ABCC9: variants seen among roughly 807,000 people sequenced by gnomAD.
ABCC9 encodes the protein ATP binding cassette subfamily C member 9.
A neutral mutation model predicts 188.3 loss-of-function variants in ABCC9; 95 were observed. The observed-to-expected ratio is 0.50, with a 90% CI of 0.43 to 0.60. The LOEUF (loss-of-function observed/expected upper bound fraction) is 0.60. Ranked by LOEUF, ABCC9 falls within the 20% of genes least tolerant of loss-of-function variation. The pLI is 0.00. For synonymous variants in ABCC9, 659 were observed against 652.7 expected (o/e 1.01, Z -0.15); for missense variants, 1,102 against 1,876.3 (o/e 0.59, Z 7.62).
At chr12:21,927,985 C>T (rs754086619) in intron 4 of ABCC9, among the ~76,000 whole-genome samples, 3 of 151,962 alleles carry the variant, frequency 2.0e-5, no homozygotes, top group Non-Finnish European at 4.4e-5. Context: ...TTAGCAAGGC[C>T]GAGGTGGGCG....
chr12:21,841,722 G>C (rs1436497088), intron 29 of ABCC9, among the ~76,000 whole-genome samples: 1 of 151,974 alleles, frequency 6.6e-6, no homozygotes, highest in Admixed American at 6.6e-5. Context: ...TGAAAAATTT[G>C]TCAGTCTTAG....
chr12:21,829,082 T>C (rs748878308), intron 30 of ABCC9, 22 bp from the exon 31 acceptor site: 1 of 1,558,336 alleles, frequency 6.4e-7, no homozygotes, highest in Non-Finnish European at 8.8e-7. Flanking sequence ...AAAAACACGA[T>C]GTTAACCACA....
At position 21,842,434 on chromosome 12, in the gene ABCC9, G is replaced by A. The variant is rs914071466; in HGVS notation, c.3353C>T (p.Thr1118Ile). 1.2e-5 allele frequency: 19 copies of A among 1,614,180 alleles called. No homozygotes were observed. The highest frequency in any genetic ancestry group is 1.4e-5 in the Non-Finnish European group (17 of 1,180,002). The part of the protein sequence containing the change: ...PPTLESLTRS[T>I]LLCLSAIGMI... ...CCCAATGGCAGACAGGCAGAGCAGT[G>A]TTGAGCGAGTTAGAGATTCCAAGGT... The change falls in exon 29 of 40, where the codon ACA (threonine) becomes ATA (isoleucine). Residue 1118 changes from threonine to isoleucine, a missense_variant. By Grantham distance (89) the Thr-to-Ile change is moderately conservative. Transcript: ENST00000261200.
intron 12 of ABCC9, among the ~76,000 whole-genome samples, chr12:21,903,651 G>A (rs1171274132): frequency 6.6e-6 from 1 of 152,124 alleles, no homozygotes; most frequent in African/African-American, 2.4e-5. Context: ...CAAACAGAGA[G>A]CCAAATCATG....
chr12:21,822,770 G>A (rs1471150113), intron 31 of ABCC9, among the ~76,000 whole-genome samples: 2 of 138,744 alleles, frequency 1.4e-5, no homozygotes, highest in African/African-American at 2.8e-5. Context: ...TAGCCTGGGC[G>A]ACAGAGTGAG....
At chr12:21,912,553 A>G (rs1565477298) in intron 8 of ABCC9, among the ~76,000 whole-genome samples, 1 of 152,066 alleles carries the variant, frequency 6.6e-6, no homozygotes, top group Non-Finnish European at 1.5e-5. Flanking sequence ...TTCTTTAAAG[A>G]GTTCCTATAA....
chr12:21,889,774 A>T (rs551144375), intron 14 of ABCC9, among the ~76,000 whole-genome samples: 1 of 152,168 alleles, frequency 6.6e-6, no homozygotes, highest in African/African-American at 2.4e-5. Flanking sequence ...CCTGACCTTG[A>T]TTGAGAATGG....
rs760421787 is a variant in ABCC9 at position 21,910,152 on chromosome 12, C to A, written c.1320+5G>T. 3 of 1,607,764 alleles carry A rather than the reference C, an allele frequency of 1.9e-6. No homozygotes were observed. Among genetic ancestry groups the A allele is most frequent in the Non-Finnish European group, 1.7e-6 (2 of 1,175,126 alleles). On this transcript the variant is annotated splice_donor_5th_base_variant and intron_variant, in intron 10 of 39. Transcript: ENST00000261200. ...CAAAAATCTTACTTATATTTATCTA[C>A]CTACCTGAACAGGCATAGCCCATAG...
intron 9 of ABCC9, 111 bp downstream of exon 9, chr12:21,910,715 T>C (rs1948284296): frequency 1.1e-6 from 1 of 938,816 alleles, no homozygotes; most frequent in African/African-American, 1.6e-5. Flanking sequence ...GTTGTTGTAA[T>C]ACCAAAATGA....
rs1250348030 is a variant in ABCC9 at position 21,798,298 on chromosome 12, A to G, written c.*2746T>C. On this transcript the variant is annotated 3_prime_UTR_variant, in exon 40 of 40. Coordinates refer to ENST00000261200, the MANE Select transcript of ABCC9 (RefSeq NM_020297.4). ...CCACCAACAGTGTAAAAGTGTTCCT[A>G]TTTCTCCACATCCTCTCCAGCACCT... 4 of 151,748 alleles carry G rather than the reference A, an allele frequency of 2.6e-5. No individual in the cohort carries two copies. Among genetic ancestry groups the G allele is most frequent in the Non-Finnish European group, 5.9e-5 (4 of 67,926 alleles). The allele number at this position is 151,748 out of a possible 1,614,324, so 9.4% of individuals were successfully genotyped here.
intron 12 of ABCC9, among the ~76,000 whole-genome samples, chr12:21,899,577 C>T (rs1018971311): frequency 6.6e-6 from 1 of 152,180 alleles, no homozygotes; most frequent in Non-Finnish European, 1.5e-5. Context: ...GAGGCTGTGA[C>T]AGACGGCACC....
At chr12:21,925,306 T>G in intron 5 of ABCC9, 1 of 508,800 alleles carries the variant, frequency 2.0e-6, no homozygotes, top group South Asian at 3.4e-5. Flanking sequence ...TAGGAATATT[T>G]TAGAGAGCCT....
intron 31 of ABCC9, among the ~76,000 whole-genome samples, chr12:21,820,725 C>T (rs1308566278): frequency 2.6e-5 from 4 of 152,082 alleles, no homozygotes; most frequent in Non-Finnish European, 5.9e-5. Flanking sequence ...CGGTAGGTCT[C>T]TGATACCTGG....
rs533205611 is a variant in ABCC9, at chr12:21,895,861, G to A, written c.1619-546C>T. On this transcript the variant is annotated intron_variant, in intron 12 of 39. Transcript: ENST00000261200. ...TCCTGGAATATATTTAACTGTCACT[G>A]GATCAGCATGATATGCCTAGTTGAA... 5.3e-5 allele frequency among the ~76,000 whole-genome samples: 8 copies of A among 152,114 alleles called. No homozygotes were observed. The East Asian group carries it at 9.7e-4, about 18-fold the overall frequency.
intron 5 of ABCC9, among the ~76,000 whole-genome samples, chr12:21,917,717 A>C (rs1948658466): frequency 6.6e-6 from 1 of 152,208 alleles, no homozygotes; most frequent in South Asian, 2.1e-4. Context: ...TAGGACCAGA[A>C]AGGCAAGGAT....
At position 21,916,924 on chromosome 12, in the gene ABCC9, A is replaced by G. The variant is rs761456741; in HGVS notation, c.573+13T>C. 3.8e-6 allele frequency: 6 copies of G among 1,587,190 alleles called. No homozygotes were observed. Among genetic ancestry groups the G allele is most frequent in the Non-Finnish European group, 5.1e-6 (6 of 1,166,188 alleles). ...GAATCCAAGTAACTAAACAAAAGCC[A>G]TTAGCTACCTACCCTGACTCGAATG... On this transcript the variant is annotated intron_variant, in intron 6 of 39. Coordinates refer to ENST00000261200, the MANE Select transcript of ABCC9 (RefSeq NM_020297.4).
At chr12:21,835,555 C>G (rs1343764794) in intron 30 of ABCC9, among the ~76,000 whole-genome samples, 2 of 152,154 alleles carry the variant, frequency 1.3e-5, no homozygotes, top group African/African-American at 4.8e-5. Context: ...TTGGGAGGCA[C>G]AAGTCATATA....
At chr12:21,857,739 G>A (rs966894800) in intron 22 of ABCC9, among the ~76,000 whole-genome samples, 1 of 152,158 alleles carries the variant, frequency 6.6e-6, no homozygotes, top group Non-Finnish European at 1.5e-5. Context: ...AGGAAGGCAG[G>A]CGTGAGACAA....
chr12:21,825,376 G>A (rs1197353093), intron 31 of ABCC9, among the ~76,000 whole-genome samples: 5 of 152,132 alleles, frequency 3.3e-5, no homozygotes, highest in African/African-American at 1.2e-4. Context: ...CACAATAGCA[G>A]AGACTTGGAA....
Sources: allele counts gnomAD v4.1 joint callset (sites outside exome capture counted in the v4.1 genomes callset), GRCh38; gene constraint gnomAD v4.1.1; transcripts MANE v1.5; gene names NCBI Gene and HGNC (gene_info 2026-07-23, HGNC 2026-07-21).